The following SGSM1 variants were observed in gnomAD, a reference collection of about 807,000 sequenced individuals.
SGSM1 encodes small G protein signaling modulator 1, also known as RUN and TBC1 domain containing 2.
Under a neutral mutation model 133.8 loss-of-function variants are expected in SGSM1, and 73 were observed. The ratio of observed to expected loss-of-function variants is 0.55; its 90% CI spans 0.45 to 0.66. The LOEUF is 0.66. Ranked by LOEUF, SGSM1 falls within the 30% of genes least tolerant of loss-of-function variation. The probability of loss-of-function intolerance (pLI) is 0.00; values close to 1 mark genes in which losing one functional copy is unlikely to be tolerated. For synonymous variants in SGSM1, 563 were observed against 573.0 expected, an observed-to-expected ratio of 0.98 and a Z score of 0.25; for missense variants, 1,213 against 1,448.1, an observed-to-expected ratio of 0.84 and a Z score of 2.64.
chr22:24,869,335 C>T (rs1931646117), intron 12 of SGSM1, among the ~76,000 whole-genome samples: 1 of 152,104 alleles, frequency 6.6e-6, no homozygotes, highest in African/African-American at 2.4e-5. Context: ...GCCTGGGCAA[C>T]ATGGCGAAAC....
chr22:24,898,767 C>G (rs546029375), intron 19 of SGSM1, among the ~76,000 whole-genome samples: 1 of 152,196 alleles, frequency 6.6e-6, no homozygotes, highest in Non-Finnish European at 1.5e-5. Context: ...GTGGCTCACA[C>G]CTGTAATCCC....
chr22:24,886,895 T>C (rs771327060), intron 16 of SGSM1, among the ~76,000 whole-genome samples, 167 bp downstream of exon 16: 1 of 152,196 alleles, frequency 6.6e-6, no homozygotes, highest in African/African-American at 2.4e-5. Flanking sequence ...ACAAGCCACA[T>C]AGGCAATTTT....
chr22:24,914,136 CA>C lies in SGSM1; in HGVS notation c.2928+1391del, dbSNP rs550305318. 3.0e-3 allele frequency among the ~76,000 whole-genome samples: 452 copies of C among 151,802 alleles called. 2 individuals carry two copies. The highest frequency in any genetic ancestry group is 0.01 in the Middle Eastern group (3 of 292). On this transcript the variant is annotated intron_variant, in intron 22 of 24. Transcript: ENST00000400358. ...AAACCCTGTCTCTACTAAAAAAATA[CA>C]AAAAAATTAGCCAGGCCTGGTGGCG...
intron 21 of SGSM1, among the ~76,000 whole-genome samples, chr22:24,907,198 T>G (rs1331392853): frequency 6.6e-6 from 1 of 151,370 alleles, no homozygotes; most frequent in Non-Finnish European, 1.5e-5. Context: ...AGGTGGAGGT[T>G]GCAGTGAGCT....
intron 23 of SGSM1, among the ~76,000 whole-genome samples, chr22:24,917,986 G>A (rs569438618): frequency 1.3e-5 from 2 of 152,140 alleles, no homozygotes; most frequent in South Asian, 2.1e-4. Context: ...GGCTGAGAAG[G>A]GTTAAGTTCA....
At chr22:24,852,809 G>A (rs533848317) in intron 5 of SGSM1, among the ~76,000 whole-genome samples, 12 of 152,076 alleles carry the variant, frequency 7.9e-5, no homozygotes, top group Admixed American at 5.9e-4. Context: ...GTTTTTGATC[G>A]TATAATTCTG....
At chr22:24,884,970 A>G (rs919991241) in intron 15 of SGSM1, among the ~76,000 whole-genome samples, 1 of 151,074 alleles carries the variant, frequency 6.6e-6, no homozygotes, top group Non-Finnish European at 1.5e-5. Context: ...TTTTTTTGAG[A>G]TGGAGTTTTG....
intron 2 of SGSM1, among the ~76,000 whole-genome samples, chr22:24,810,845 A>G (rs1927693127): frequency 6.6e-6 from 1 of 152,122 alleles, no homozygotes; most frequent in Admixed American, 6.5e-5. Context: ...GTTAGGGGTG[A>G]TGAGATGGGA....
chr22:24,895,942 C>T (rs577936355), intron 18 of SGSM1, among the ~76,000 whole-genome samples: 1 of 152,002 alleles, frequency 6.6e-6, no homozygotes, highest in African/African-American at 2.4e-5. Flanking sequence ...CCAGCTGCTC[C>T]GGAGGCTAAG....
intron 13 of SGSM1, 70 bp downstream of exon 13, chr22:24,876,785 T>C: frequency 1.3e-6 from 2 of 1,593,788 alleles, no homozygotes; most frequent in East Asian, 4.5e-5. Context: ...TGCCCATGTC[T>C]TACCCTGCAC....
chr22:24,874,101 A>G (rs1390862216), intron 12 of SGSM1, among the ~76,000 whole-genome samples: 1 of 152,196 alleles, frequency 6.6e-6, no homozygotes, highest in Non-Finnish European at 1.5e-5. Flanking sequence ...TCATGCCATC[A>G]TTCTGAGCCT....
chr22:24,905,157 C>G lies in SGSM1; in HGVS notation c.2788C>G (p.Leu930Val). The stretch of plus-strand genomic sequence containing the variant: ...CTATGTCCAGGGCATGTGTGATCTT[C>G]TGGCTCCACTGCTGGTCATTCTGGA... Reference protein sequence around the residue: ...IGYVQGMCDLLAPLLVILDDE... With the variant: ...IGYVQGMCDLVAPLLVILDDE... The change falls in exon 21 of 25, where the codon CTG becomes GTG. Residue 930 changes from leucine (L) to valine (V), a missense_variant. Physicochemically the swap from Leu to Val is conservative, Grantham distance 32 (BLOSUM62 1). Transcript: ENST00000400358. The G allele has an allele frequency of 6.2e-7, 1 of 1,614,016 alleles. No homozygotes were observed. The highest frequency in any genetic ancestry group is 8.5e-7 in the Non-Finnish European group (1 of 1,179,880).
At position 24,844,956 on chromosome 22, in the gene SGSM1, C is replaced by T. The variant is rs1378288766; in HGVS notation, c.123C>T (p.His41=). Residue 41 remains histidine, a synonymous_variant, in exon 3 of 25, where the codon CAC becomes CAT. Coordinates refer to ENST00000400358, the MANE Select transcript of SGSM1 (RefSeq NM_001098497.3). ...TRKFVHEDSS[H]IISFCAAVEA... The stretch of plus-strand genomic sequence containing the variant: ...AGTTTGTCCACGAAGACAGCAGCCA[C>T]ATCATCTCCTTCTGTGGTGAGTCTG... 3 of 1,613,830 alleles carry T rather than the reference C, an allele frequency of 1.9e-6. No homozygotes were observed. The East Asian group carries it at 6.7e-5, about 36-fold the overall frequency.
chr22:24,808,292 T>G (rs1360004693), intron 2 of SGSM1, among the ~76,000 whole-genome samples: 1 of 152,076 alleles, frequency 6.6e-6, no homozygotes, highest in Non-Finnish European at 1.5e-5. Flanking sequence ...TATTTTTTTA[T>G]TTTTAGTAGA....
chr22:24,891,780 A>G (rs1407230489), intron 16 of SGSM1, among the ~76,000 whole-genome samples: 1 of 152,186 alleles, frequency 6.6e-6, no homozygotes, highest in East Asian at 1.9e-4. Context: ...GAAGGCAGTC[A>G]GAGAAGACTC....
chr22:24,861,414 G>A (rs1931146994), intron 9 of SGSM1, among the ~76,000 whole-genome samples: 2 of 151,574 alleles, frequency 1.3e-5, no homozygotes, highest in African/African-American at 4.9e-5. Context: ...GTCACCATCT[G>A]TCCTCAGAGC....
rs1440549650 is a variant in SGSM1 at position 24,895,266 on chromosome 22, A to G, written c.1997A>G (p.His666Arg). 6.2e-7 allele frequency: 1 copy of G among 1,612,192 alleles called. No homozygotes were observed. Among genetic ancestry groups the G allele is most frequent in the Non-Finnish European group, 8.5e-7 (1 of 1,179,270 alleles). Residue 666 changes from histidine to arginine, a missense_variant, in exon 18 of 25, where the codon CAC becomes CGC. Transcript: ENST00000400358. ...TCGGGCCGCCAGAACATCCGCCTGCACAGCGACTCCAGCAGCAGCACACAG... is the reference window on the plus strand; with the variant it reads ...TCGGGCCGCCAGAACATCCGCCTGCGCAGCGACTCCAGCAGCAGCACACAG... ...CSSGRQNIRL[H>R]SDSSSSTQVF...
intron 2 of SGSM1, among the ~76,000 whole-genome samples, chr22:24,834,555 A>G (rs1396194152): frequency 6.6e-6 from 1 of 152,158 alleles, no homozygotes; most frequent in Non-Finnish European, 1.5e-5. Context: ...TGCCGGGTAC[A>G]TGGAATGGGC....
rs3062145 is a variant in SGSM1, at chr22:24,816,417, C to CTTTTTTTT, written c.63+9942_63+9949dup. Among the ~76,000 whole-genome samples the CTTTTTTTT allele has an allele frequency of 1.2e-3, 160 of 130,056 alleles. 1 individual carries two copies. Among genetic ancestry groups the CTTTTTTTT allele is most frequent in the East Asian group, 2.1e-3 (9 of 4,374 alleles). 85.3% of individuals were successfully genotyped at this position (130,056 alleles called of 152,430 possible). A position where few individuals can be genotyped will look rare whatever the true frequency, so the allele number is the denominator to read the frequency against. Reference sequence around the variant, plus strand: ...AAAAATTGATTTCTTTTTTTTCTTTCTTTTTTTTTTTTTTTTGAGATGGTG... The same window carrying CTTTTTTTT: ...AAAAATTGATTTCTTTTTTTTCTTTCTTTTTTTTTTTTTTTTTTTTTTTTGAGATGGTG... On this transcript the variant is annotated intron_variant, in intron 2 of 24. Transcript: ENST00000400358.
Sources: allele counts gnomAD v4.1 joint callset (sites outside exome capture counted in the v4.1 genomes callset), GRCh38; gene constraint gnomAD v4.1.1; transcripts MANE v1.5; gene names NCBI Gene and HGNC (gene_info 2026-07-23, HGNC 2026-07-21).